UNC13C: variants seen among roughly 807,000 people sequenced by gnomAD.
The protein encoded by UNC13C is unc-13 homolog C.
A neutral mutation model predicts 245.4 loss-of-function variants in UNC13C; 174 were observed. That is an observed-to-expected ratio of 0.71 (90% CI 0.63 to 0.80). The LOEUF (loss-of-function observed/expected upper bound fraction) is 0.80, where lower values mean the gene tolerates loss of function less well. Among genes scored for constraint, UNC13C ranks in the 30% least tolerant of loss-of-function variants. UNC13C has a pLI of 0.00. For synonymous variants in UNC13C, 992 were observed against 895.1 expected, an observed-to-expected ratio of 1.11 and a Z score of -1.93; for missense variants, 2,829 against 2,602.9, an observed-to-expected ratio of 1.09 and a Z score of -1.89.
At chr15:54,414,860 T>G (rs1596343225) in intron 18 of UNC13C, 122 bp from the exon 19 acceptor site, 1 of 535,794 alleles carries the variant, frequency 1.9e-6, no homozygotes, top group East Asian at 3.2e-5. Context: ...AAGAGAAATG[T>G]CATAAATAAA....
At chr15:54,421,821 A>T (rs1245837977) in intron 19 of UNC13C, among the ~76,000 whole-genome samples, 1 of 152,062 alleles carries the variant, frequency 6.6e-6, no homozygotes, top group Admixed American at 6.6e-5. Context: ...TTAATTTTTC[A>T]TTAATACACA....
chr15:54,037,353 G>A (rs1896615055), intron 2 of UNC13C, among the ~76,000 whole-genome samples: 1 of 152,266 alleles, frequency 6.6e-6, no homozygotes, highest in African/African-American at 2.4e-5. Flanking sequence ...TGGGCAAATA[G>A]TTTAAACCGT....
chr15:54,346,796 A>C (rs1016426668), intron 17 of UNC13C, among the ~76,000 whole-genome samples: 1 of 152,144 alleles, frequency 6.6e-6, no homozygotes, highest in African/African-American at 2.4e-5. Flanking sequence ...CACTGGACTC[A>C]CAGAGAGGTA....
At chr15:54,210,195 C>A in intron 4 of UNC13C, among the ~76,000 whole-genome samples, 1 of 146,386 alleles carries the variant, frequency 6.8e-6, no homozygotes, top group African/African-American at 2.5e-5. Context: ...GCAAAGAAAA[C>A]TTACTATATA....
intron 19 of UNC13C, among the ~76,000 whole-genome samples, chr15:54,441,951 G>A (rs1391420450): frequency 6.6e-6 from 1 of 151,634 alleles, no homozygotes; most frequent in Non-Finnish European, 1.5e-5. Flanking sequence ...TTTTAAATGG[G>A]ATTTTCTTCT....
At chr15:54,181,356 A>G (rs944253610) in intron 4 of UNC13C, among the ~76,000 whole-genome samples, 2 of 151,986 alleles carry the variant, frequency 1.3e-5, no homozygotes, top group Non-Finnish European at 1.5e-5. Context: ...CCATTGGTCT[A>G]TATGTCTGTT....
At chr15:54,084,950 A>T (rs1899153271) in intron 2 of UNC13C, among the ~76,000 whole-genome samples, 1 of 152,198 alleles carries the variant, frequency 6.6e-6, no homozygotes, top group South Asian at 2.1e-4. Flanking sequence ...ATGATTATTT[A>T]TAAGTAGTTT....
chr15:53,933,942 T>TCATGGTTCTGCAGGCTGCATGGGATG, the UNC13C span, among the ~76,000 whole-genome samples: 23 of 152,296 alleles, frequency 1.5e-4, no homozygotes, highest in African/African-American at 5.5e-4. Flanking sequence ...TTTAATTGGC[T>TCATGGTTCTGCAGGCTGCATGGGATG]CATGGTTCTG....
the UNC13C span, among the ~76,000 whole-genome samples, chr15:53,897,920 G>A: frequency 6.6e-6 from 1 of 152,144 alleles, no homozygotes; most frequent in African/African-American, 2.4e-5. Context: ...GGGGATTAAT[G>A]TTGTACTTTG....
At chr15:54,397,153 C>T (rs1230535410) in intron 18 of UNC13C, among the ~76,000 whole-genome samples, 1 of 151,504 alleles carries the variant, frequency 6.6e-6, no homozygotes, top group African/African-American at 2.4e-5. Context: ...TTCTAGACAT[C>T]TTACATTTAA....
chr15:54,247,286 G>T (rs866004944), intron 7 of UNC13C, among the ~76,000 whole-genome samples: 1 of 151,626 alleles, frequency 6.6e-6, no homozygotes. Flanking sequence ...AATGCTTCTC[G>T]CTCTTTTCAC....
At chr15:54,032,910 C>T (rs1002403812) in intron 2 of UNC13C, among the ~76,000 whole-genome samples, 1 of 152,170 alleles carries the variant, frequency 6.6e-6, no homozygotes, top group African/African-American at 2.4e-5. Flanking sequence ...CATATGTTCT[C>T]ACTCATAAGT....
chr15:54,078,542 TC>T (rs1381649863), intron 2 of UNC13C, among the ~76,000 whole-genome samples: 3 of 152,192 alleles, frequency 2.0e-5, no homozygotes, highest in Non-Finnish European at 2.9e-5. Flanking sequence ...AGATGGGTTT[TC>T]ATTGTAGTTT....
intron 2 of UNC13C, among the ~76,000 whole-genome samples, chr15:54,089,527 G>A (rs766647542): frequency 6.6e-5 from 10 of 152,118 alleles, no homozygotes; most frequent in African/African-American, 1.4e-4. Context: ...GTCTGTCATC[G>A]TATGTGCATG....
chr15:54,012,148 T>C (rs1005156273), intron 1 of UNC13C, among the ~76,000 whole-genome samples: 3 of 152,224 alleles, frequency 2.0e-5, no homozygotes, highest in Non-Finnish European at 4.4e-5. Context: ...ATAGAGATTA[T>C]TTATTTATGT....
At chr15:54,073,040 C>T (rs1566991316) in intron 2 of UNC13C, among the ~76,000 whole-genome samples, 1 of 152,048 alleles carries the variant, frequency 6.6e-6, no homozygotes, top group Admixed American at 6.6e-5. Flanking sequence ...TAGCCCTCCA[C>T]CCCCCGACAG....
intron 1 of UNC13C, among the ~76,000 whole-genome samples, chr15:54,010,727 C>T (rs568070402): frequency 6.6e-6 from 1 of 152,108 alleles, no homozygotes; most frequent in South Asian, 2.1e-4. Flanking sequence ...TTAGGAAGAC[C>T]ACGTCGGATA....
chr15:54,258,788 G>C (rs1186485529), intron 8 of UNC13C, among the ~76,000 whole-genome samples: 1 of 152,146 alleles, frequency 6.6e-6, no homozygotes, highest in Non-Finnish European at 1.5e-5. Flanking sequence ...ATACTGTTAA[G>C]GGAGACACTA....
At chr15:54,118,728 G>T (rs1367723329) in intron 2 of UNC13C, among the ~76,000 whole-genome samples, 3 of 152,034 alleles carry the variant, frequency 2.0e-5, no homozygotes, top group Non-Finnish European at 4.4e-5. Context: ...CTAGGTTTTT[G>T]AGGAAACGCT....
Sources: gnomAD v4.1 joint callset for allele counts (sites outside exome capture counted in the v4.1 genomes callset) on GRCh38, gnomAD v4.1.1 for gene constraint, MANE v1.5 for transcripts, NCBI Gene and HGNC (gene_info 2026-07-23, HGNC 2026-07-21) for gene names.